Variants in MEMO1 observed in about 807,000 individuals in gnomAD.
The protein encoded by MEMO1 is mediator of cell motility 1.
A neutral mutation model predicts 45.2 loss-of-function variants in MEMO1; 6 were observed. The ratio of observed to expected loss-of-function variants is 0.13; its 90% CI spans 0.07 to 0.26. The LOEUF (loss-of-function observed/expected upper bound fraction) is 0.26, where lower values mean the gene tolerates loss of function less well. MEMO1 is among the 10% of genes least tolerant of loss of function. The pLI is 1.00. For synonymous variants in MEMO1, 78 were observed against 124.3 expected, an observed-to-expected ratio of 0.63 and a Z score of 2.48; for missense variants, 184 against 370.5, an observed-to-expected ratio of 0.50 and a Z score of 4.13.
chr2:31,903,499 A>G (rs1679190028), intron 6 of MEMO1, among the ~76,000 whole-genome samples: 1 of 152,174 alleles, frequency 6.6e-6, no homozygotes, highest in Non-Finnish European at 1.5e-5. Context: ...AATCTTCTCA[A>G]ATGTCTTTTG....
intron 2 of MEMO1, among the ~76,000 whole-genome samples, chr2:31,961,283 G>C (rs1667977808): frequency 6.6e-6 from 1 of 151,936 alleles, no homozygotes; most frequent in Admixed American, 6.6e-5. Flanking sequence ...GCTTGAACCT[G>C]GGAGGCAGAG....
intron 3 of MEMO1, among the ~76,000 whole-genome samples, chr2:31,935,336 A>G (rs1424368570): frequency 6.6e-6 from 1 of 152,224 alleles, no homozygotes; most frequent in Non-Finnish European, 1.5e-5. Context: ...CAGAGCATAT[A>G]CCCTATAAAA....
Position 31,891,996 on chromosome 2 carries a change from A to G in MEMO1, c.576T>C (p.His192=), listed in dbSNP as rs200089310. ...ATGTTAAAATCTAGAACTTACCCCA[A>G]TGGCAGAAATCAGAAGAAACCACAA... ...NLFVVSSDFC[H]WGQRFRYSYY... The change falls in exon 7 of 10, where the codon CAT becomes CAC. Residue 192 remains histidine, a synonymous_variant. Coordinates refer to ENST00000404530, the MANE Select transcript of MEMO1 (RefSeq NM_001301833.4). 1.6e-4 allele frequency: 256 copies of G among 1,610,726 alleles called. 1 individual carries two copies. The highest frequency in any genetic ancestry group is 1.6e-4 in the Non-Finnish European group (185 of 1,178,960).
intron 2 of MEMO1, among the ~76,000 whole-genome samples, chr2:32,000,739 G>A (rs1397703021): frequency 3.3e-5 from 5 of 151,858 alleles, no homozygotes; most frequent in Non-Finnish European, 7.4e-5. Flanking sequence ...CTATGCACCA[G>A]CTGTGCTTTG....
chr2:31,999,781 C>T (rs1225807570), intron 2 of MEMO1, among the ~76,000 whole-genome samples: 1 of 152,088 alleles, frequency 6.6e-6, no homozygotes, highest in Non-Finnish European at 1.5e-5. Context: ...TCCAGGCCTG[C>T]TCTAGCCTCA....
chr2:31,924,849 A>G (rs1301256656), intron 4 of MEMO1, among the ~76,000 whole-genome samples: 1 of 152,214 alleles, frequency 6.6e-6, no homozygotes, highest in Non-Finnish European at 1.5e-5. Flanking sequence ...TTTTAATAAT[A>G]GTCAACTACC....
At chr2:31,941,264 C>T (rs1175299359) in intron 3 of MEMO1, among the ~76,000 whole-genome samples, 1 of 152,176 alleles carries the variant, frequency 6.6e-6, no homozygotes, top group Non-Finnish European at 1.5e-5. Flanking sequence ...TACTCTTGTT[C>T]CAGAGCCTTT....
intron 2 of MEMO1, among the ~76,000 whole-genome samples, chr2:32,005,711 T>C (rs1183450343): frequency 1.3e-5 from 2 of 152,206 alleles, no homozygotes; most frequent in Non-Finnish European, 2.9e-5. Flanking sequence ...CCTGTCCATA[T>C]ATGCTACCAA....
intron 9 of MEMO1, among the ~76,000 whole-genome samples, chr2:31,869,543 C>A (rs556729495): frequency 2.0e-5 from 3 of 152,008 alleles, no homozygotes; most frequent in African/African-American, 7.2e-5. Flanking sequence ...AAGACCATAT[C>A]TCTTAAGAGG....
At chr2:32,006,599 A>C (rs1189442056) in intron 2 of MEMO1, among the ~76,000 whole-genome samples, 7 of 152,078 alleles carry the variant, frequency 4.6e-5, no homozygotes, top group Non-Finnish European at 1.0e-4. Context: ...ACCAAAAAAA[A>C]AAAAAAAGGG....
chr2:31,923,634 G>A, intron 4 of MEMO1: 1 of 1,546,750 alleles, frequency 6.5e-7, no homozygotes, highest in South Asian at 1.2e-5. Context: ...GGTAGTATAT[G>A]AACCAAGAAT....
intron 2 of MEMO1, among the ~76,000 whole-genome samples, chr2:31,984,148 A>G (rs1670991972): frequency 6.6e-6 from 1 of 152,230 alleles, no homozygotes; most frequent in Non-Finnish European, 1.5e-5. Context: ...AAAGAACAGA[A>G]TACGGCAAAA....
intron 7 of MEMO1, among the ~76,000 whole-genome samples, chr2:31,883,864 T>C (rs1675767106): frequency 1.3e-5 from 2 of 151,726 alleles, no homozygotes; most frequent in African/African-American, 4.8e-5. Flanking sequence ...CTAAAAGCCT[T>C]AGCTTTTGCT....
intron 3 of MEMO1, among the ~76,000 whole-genome samples, chr2:31,932,858 T>C (rs1344296333): frequency 6.6e-6 from 1 of 152,200 alleles, no homozygotes; most frequent in Non-Finnish European, 1.5e-5. Context: ...AACAACTCAC[T>C]TCCTTCGAAG....
intron 4 of MEMO1, among the ~76,000 whole-genome samples, chr2:31,923,926 C>T (rs1190500564): frequency 6.6e-6 from 1 of 152,134 alleles, no homozygotes; most frequent in Non-Finnish European, 1.5e-5. Flanking sequence ...TCCTTGTTTG[C>T]CTTTTTGTCT....
chr2:31,943,223 C>A, intron 3 of MEMO1, 79 bp downstream of exon 3: 1 of 1,044,826 alleles, frequency 9.6e-7, no homozygotes, highest in African/African-American at 1.6e-5. Context: ...CGAGACCATG[C>A]CACTGTACTT....
intron 6 of MEMO1, among the ~76,000 whole-genome samples, chr2:31,908,073 C>G (rs1680025334): frequency 1.3e-5 from 2 of 152,138 alleles, no homozygotes; most frequent in African/African-American, 4.8e-5. Flanking sequence ...GAAATTAGAG[C>G]TATAAACTGG....
intron 2 of MEMO1, among the ~76,000 whole-genome samples, chr2:31,974,271 T>G (rs1416254968): frequency 1.3e-5 from 2 of 152,212 alleles, no homozygotes; most frequent in South Asian, 4.1e-4. Context: ...AATTTAAATG[T>G]GCAACACTTA....
At chr2:31,963,420 A>G in intron 2 of MEMO1, 1 of 850,588 alleles carries the variant, frequency 1.2e-6, no homozygotes, top group Non-Finnish European at 1.6e-6. Flanking sequence ...TAAAATATCT[A>G]TGACAGGTGA....
Sources: gnomAD v4.1 joint callset for allele counts (sites outside exome capture counted in the v4.1 genomes callset) on GRCh38, gnomAD v4.1.1 for gene constraint, MANE v1.5 for transcripts, NCBI Gene and HGNC (gene_info 2026-07-23, HGNC 2026-07-21) for gene names.